The following ANKFN1 variants were observed in gnomAD, a reference collection of about 807,000 sequenced individuals.
ANKFN1 encodes ankyrin repeat and fibronectin type-III domain-containing protein 1.
ANKFN1 carries 74 observed loss-of-function variants against 108.7 expected under a neutral mutation model. The observed-to-expected ratio is 0.68, with a 90% CI of 0.56 to 0.83. ANKFN1 has a LOEUF of 0.83. Ranked by LOEUF, ANKFN1 falls within the 40% of genes least tolerant of loss-of-function variation. The pLI, the probability that ANKFN1 is intolerant of heterozygous loss-of-function variation, is 0.00. For missense variants in ANKFN1, 1,505 were observed against 1,382.3 expected (o/e 1.09, Z -1.41); for synonymous variants, 547 against 516.2 (o/e 1.06, Z -0.81).
chr17:56,430,961 A>G (rs541379791), intron 8 of ANKFN1, among the ~76,000 whole-genome samples: 13 of 152,332 alleles, frequency 8.5e-5, no homozygotes, highest in African/African-American at 3.1e-4. Context: ...GGAAGAAATA[A>G]ATAACGAAAT....
At chr17:56,415,128 T>A (rs764805168) in intron 8 of ANKFN1, among the ~76,000 whole-genome samples, 2 of 152,144 alleles carry the variant, frequency 1.3e-5, no homozygotes, top group Non-Finnish European at 2.9e-5. Flanking sequence ...GGGGAAAAAC[T>A]GAAGGCCTTT....
chr17:56,174,212 G>A, intron 1 of ANKFN1: 1 of 985,562 alleles, frequency 1.0e-6, no homozygotes, highest in Non-Finnish European at 1.2e-6. Flanking sequence ...TGCCTGCAGG[G>A]TTCTCTCTTT....
At chr17:56,418,680 C>A (rs2048309631) in intron 8 of ANKFN1, among the ~76,000 whole-genome samples, 1 of 151,778 alleles carries the variant, frequency 6.6e-6, no homozygotes, top group Non-Finnish European at 1.5e-5. Flanking sequence ...AACTGAGACC[C>A]AGAAAGGTGA....
upstream of ANKFN1, among the ~76,000 whole-genome samples, chr17:56,149,596 G>A (rs932389874): frequency 6.6e-6 from 1 of 152,222 alleles, no homozygotes; most frequent in African/African-American, 2.4e-5. Flanking sequence ...ACTTGTGCCA[G>A]TGCCTTTACA....
intron 2 of ANKFN1, among the ~76,000 whole-genome samples, chr17:56,218,323 G>C (rs529713866): frequency 6.6e-6 from 1 of 151,012 alleles, no homozygotes; most frequent in African/African-American, 2.4e-5. Flanking sequence ...TTTCCAAGCT[G>C]ACCTTTATAA....
intron 4 of ANKFN1, among the ~76,000 whole-genome samples, chr17:56,051,750 T>C (rs1280666419): frequency 6.7e-6 from 1 of 148,588 alleles, no homozygotes; most frequent in Non-Finnish European, 1.5e-5. Flanking sequence ...TGTACAAAAA[T>C]CACAAGCATT....
chr17:56,123,963 T>C (rs1321416419), intron 4 of ANKFN1, among the ~76,000 whole-genome samples: 2 of 152,076 alleles, frequency 1.3e-5, no homozygotes, highest in Non-Finnish European at 2.9e-5. Flanking sequence ...CCAGAAGGCA[T>C]CTCTTCTGAA....
At chr17:56,104,300 AT>A (rs1311713097) in intron 4 of ANKFN1, among the ~76,000 whole-genome samples, 1 of 152,188 alleles carries the variant, frequency 6.6e-6, no homozygotes, top group Non-Finnish European at 1.5e-5. Context: ...AGTCTATTTC[AT>A]TTTTTAAATA....
At chr17:56,506,136 A>G (rs1426903415) in intron 20 of ANKFN1, among the ~76,000 whole-genome samples, 2 of 152,120 alleles carry the variant, frequency 1.3e-5, no homozygotes, top group African/African-American at 4.8e-5. Context: ...ATATGTATAC[A>G]TGCGCCATGT....
chr17:56,455,435 A>G (rs2049652354), intron 11 of ANKFN1, among the ~76,000 whole-genome samples: 1 of 152,210 alleles, frequency 6.6e-6, no homozygotes, highest in South Asian at 2.1e-4. Context: ...TAAGCTTGAA[A>G]CTGGCATGAA....
At chr17:56,093,398 G>A (rs1021865427) in intron 4 of ANKFN1, among the ~76,000 whole-genome samples, 9 of 151,162 alleles carry the variant, frequency 6.0e-5, no homozygotes, top group African/African-American at 1.2e-4. Flanking sequence ...TGTTTTGAAC[G>A]TGCCAGTGGC....
chr17:56,095,652 A>G (rs1905520236), intron 4 of ANKFN1, among the ~76,000 whole-genome samples: 1 of 152,210 alleles, frequency 6.6e-6, no homozygotes, highest in South Asian at 2.1e-4. Context: ...GAAGCTATAC[A>G]GAAAGAAGCC....
intron 6 of ANKFN1, among the ~76,000 whole-genome samples, chr17:56,363,265 G>A (rs544046459): frequency 6.6e-6 from 1 of 152,112 alleles, no homozygotes; most frequent in South Asian, 2.1e-4. Context: ...AACCTGAATA[G>A]GGTTTCTTAA....
intron 3 of ANKFN1, among the ~76,000 whole-genome samples, chr17:56,313,375 A>C (rs1385750719): frequency 6.6e-6 from 1 of 152,176 alleles, no homozygotes; most frequent in Non-Finnish European, 1.5e-5. Flanking sequence ...TCAGGGCACA[A>C]ACAAGCCTGG....
At chr17:56,314,910 T>A (rs973222157) in intron 3 of ANKFN1, among the ~76,000 whole-genome samples, 3 of 152,158 alleles carry the variant, frequency 2.0e-5, no homozygotes, top group African/African-American at 7.2e-5. Context: ...TTTTAATTAG[T>A]CATCAAAACC....
chr17:56,176,979 C>T (rs1241948515), intron 1 of ANKFN1, among the ~76,000 whole-genome samples: 2 of 152,178 alleles, frequency 1.3e-5, no homozygotes, highest in African/African-American at 2.4e-5. Context: ...TAACTTAAAA[C>T]AAGCAAGCCA....
intron 20 of ANKFN1, among the ~76,000 whole-genome samples, chr17:56,504,480 C>A (rs948769968): frequency 6.6e-6 from 1 of 152,112 alleles, no homozygotes; most frequent in Non-Finnish European, 1.5e-5. Context: ...TAGATCATCA[C>A]CAGCAGAAGA....
intron 8 of ANKFN1, among the ~76,000 whole-genome samples, chr17:56,380,727 C>T (rs990912534): frequency 7.9e-5 from 12 of 152,036 alleles, no homozygotes; most frequent in South Asian, 2.1e-4. Context: ...GCAGCGAGGC[C>T]GGGGGAGGGG....
chr17:56,427,271 C>T (rs2048599064), intron 8 of ANKFN1, among the ~76,000 whole-genome samples: 2 of 152,028 alleles, frequency 1.3e-5, no homozygotes, highest in South Asian at 2.1e-4. Flanking sequence ...AGATATGAAC[C>T]TTATCCAGAA....
Sources: gnomAD v4.1 joint callset for allele counts (sites outside exome capture counted in the v4.1 genomes callset) on GRCh38, gnomAD v4.1.1 for gene constraint, MANE v1.5 for transcripts, NCBI Gene and HGNC (gene_info 2026-07-23, HGNC 2026-07-21) for gene names.